The following DLGAP2 variants were observed in gnomAD, a reference collection of about 807,000 sequenced individuals.
DLGAP2 encodes the protein disks large-associated protein 2.
Under a neutral mutation model 100.3 loss-of-function variants are expected in DLGAP2, and 26 were observed. That is an observed-to-expected ratio of 0.26 (90% CI 0.19 to 0.36). The LOEUF (loss-of-function observed/expected upper bound fraction) is 0.36. DLGAP2 is among the 10% of genes least tolerant of loss of function. The pLI, the probability that DLGAP2 is intolerant of heterozygous loss-of-function variation, is 1.00. For synonymous variants in DLGAP2, 886 were observed against 630.1 expected, an observed-to-expected ratio of 1.41 and a Z score of -6.08; for missense variants, 1,858 against 1,453.2, an observed-to-expected ratio of 1.28 and a Z score of -4.53.
intron 1 of DLGAP2, among the ~76,000 whole-genome samples, chr8:754,796 C>T (rs988987281): frequency 7.2e-5 from 11 of 152,238 alleles, no homozygotes; most frequent in African/African-American, 2.2e-4. Flanking sequence ...GAGCCACACA[C>T]GCCACTGCAC....
chr8:1,128,509 G>A (rs893245561), intron 2 of DLGAP2, among the ~76,000 whole-genome samples: 2 of 152,206 alleles, frequency 1.3e-5, no homozygotes, highest in Admixed American at 6.5e-5. Flanking sequence ...GACTCAGCGC[G>A]GTCACATGCT....
At chr8:1,332,018 C>T (rs888979736) in intron 3 of DLGAP2, among the ~76,000 whole-genome samples, 1 of 152,220 alleles carries the variant, frequency 6.6e-6, no homozygotes, top group African/African-American at 2.4e-5. Context: ...ACGGCAGCGC[C>T]TTCTTTCTTT....
At chr8:1,362,108 G>A (rs1394327777) in intron 3 of DLGAP2, among the ~76,000 whole-genome samples, 2 of 66 alleles carry the variant, frequency 0.03, no homozygotes, top group African/African-American at 0.062. Context: ...CGGGGAGTTA[G>A]CGTACTTCAA....
chr8:1,050,281 G>T (rs1186628797), intron 2 of DLGAP2, among the ~76,000 whole-genome samples: 1 of 152,230 alleles, frequency 6.6e-6, no homozygotes, highest in African/African-American at 2.4e-5. Context: ...GTTCAAACAT[G>T]ATACAGGTTT....
chr8:1,512,440 G>A (rs1008316042), intron 4 of DLGAP2, among the ~76,000 whole-genome samples: 6 of 152,136 alleles, frequency 3.9e-5, no homozygotes, highest in East Asian at 3.9e-4. Context: ...GGTGTCAGCC[G>A]TGGGTGTGGC....
intron 1 of DLGAP2, among the ~76,000 whole-genome samples, chr8:907,070 G>A (rs1171867789): frequency 6.6e-6 from 1 of 152,108 alleles, no homozygotes; most frequent in African/African-American, 2.4e-5. Flanking sequence ...AAAGTCGATC[G>A]AGGGCAAACG....
intron 3 of DLGAP2, among the ~76,000 whole-genome samples, chr8:1,487,651 T>C (rs952479030): frequency 9.2e-5 from 14 of 152,174 alleles, no homozygotes; most frequent in Non-Finnish European, 2.1e-4. Context: ...ACTGAACTGA[T>C]TTCATGGTGT....
At chr8:915,235 G>A (rs544329026) in intron 2 of DLGAP2, among the ~76,000 whole-genome samples, 12 of 152,198 alleles carry the variant, frequency 7.9e-5, no homozygotes, top group Non-Finnish European at 1.5e-4. Flanking sequence ...CCTCCCTTGG[G>A]AGGAGGGAAC....
Position 997,500 on chromosome 8 carries a change from A to C in DLGAP2, c.73+89534A>C, listed in dbSNP as rs1037344769. ...TACTCCTCAGGAGTAACCATCATTC[A>C]CTACCAAACACACACAGTATAAAAT... On this transcript the variant is annotated intron_variant, in intron 2 of 14. Coordinates refer to ENST00000637795, the MANE Select transcript of DLGAP2 (RefSeq NM_001346810.2). Among the ~76,000 whole-genome samples the C allele has an allele frequency of 3.3e-5, 5 of 152,206 alleles. No individual in the cohort carries two copies. The South Asian group carries it at 1.0e-3, about 32-fold the overall frequency.
chr8:828,271 G>T (rs571868113), intron 1 of DLGAP2, among the ~76,000 whole-genome samples: 72 of 152,280 alleles, frequency 4.7e-4, no homozygotes, highest in African/African-American at 1.7e-3. Context: ...CGCTATGGGA[G>T]ACTGGAGTTT....
At chr8:853,058 G>A (rs1032213013) in intron 1 of DLGAP2, among the ~76,000 whole-genome samples, 1 of 152,228 alleles carries the variant, frequency 6.6e-6, no homozygotes, top group Non-Finnish European at 1.5e-5. Flanking sequence ...GAAATTCAGT[G>A]CTTAGTTTAT....
At chr8:1,448,298 G>C (rs945485157) in intron 3 of DLGAP2, among the ~76,000 whole-genome samples, 1 of 152,010 alleles carries the variant, frequency 6.6e-6, no homozygotes, top group African/African-American at 2.4e-5. Flanking sequence ...CTTTGTTCTC[G>C]TTGGTTTCAA....
At chr8:1,695,897 G>A in intron 13 of DLGAP2, among the ~76,000 whole-genome samples, 1 of 152,216 alleles carries the variant, frequency 6.6e-6, no homozygotes, top group African/African-American at 2.4e-5. Flanking sequence ...CCAGCCGCTG[G>A]CCAGGGCCGC....
At chr8:831,664 C>G (rs765254536) in intron 1 of DLGAP2, among the ~76,000 whole-genome samples, 26 of 152,078 alleles carry the variant, frequency 1.7e-4, no homozygotes, top group Non-Finnish European at 3.5e-4. Context: ...TTAATAGTGC[C>G]ACAGTAAACA....
chr8:1,357,704 C>G (rs1801887687), intron 3 of DLGAP2, among the ~76,000 whole-genome samples: 2 of 152,220 alleles, frequency 1.3e-5, no homozygotes, highest in South Asian at 4.1e-4. Context: ...AGACGTCAGC[C>G]TTGCTGCGAT....
intron 2 of DLGAP2, among the ~76,000 whole-genome samples, chr8:1,157,324 G>A (rs1373283836): frequency 6.6e-6 from 1 of 152,158 alleles, no homozygotes; most frequent in African/African-American, 2.4e-5. Flanking sequence ...CCATTTCACC[G>A]ATGGATGCAC....
chr8:1,082,084 T>C (rs1196811207), intron 2 of DLGAP2, among the ~76,000 whole-genome samples: 4 of 152,200 alleles, frequency 2.6e-5, no homozygotes, highest in African/African-American at 9.6e-5. Context: ...TCGTGTGATG[T>C]CTGCCCTACA....
intron 3 of DLGAP2, among the ~76,000 whole-genome samples, chr8:1,454,946 C>T (rs1042327317): frequency 4.6e-5 from 7 of 152,154 alleles, no homozygotes; most frequent in African/African-American, 7.2e-5. Context: ...TGAGCTTCCC[C>T]GCCCATCGGG....
rs529200136 is a variant in DLGAP2 at position 951,211 on chromosome 8, C to G, written c.73+43245C>G. ...CAATTATAGGATATCTATCTTGTTTCTGATATTTTGTTACTTTAAAAAATA... is the reference window on the plus strand; with the variant it reads ...CAATTATAGGATATCTATCTTGTTTGTGATATTTTGTTACTTTAAAAAATA... On this transcript the variant is annotated intron_variant, in intron 2 of 14. Transcript: ENST00000637795. Among the ~76,000 whole-genome samples the G allele has an allele frequency of 3.4e-4, 52 of 152,166 alleles. 1 individual carries two copies. In the Middle Eastern group the frequency reaches 0.014, roughly 40 times the overall value.
Sources: allele counts gnomAD v4.1 joint callset (sites outside exome capture counted in the v4.1 genomes callset), GRCh38; gene constraint gnomAD v4.1.1; transcripts MANE v1.5; gene names NCBI Gene and HGNC (gene_info 2026-07-23, HGNC 2026-07-21).